Variants in MAP4K5 observed in about 807,000 individuals in gnomAD.
The protein encoded by MAP4K5 is mitogen-activated protein kinase kinase kinase kinase 5.
A neutral mutation model predicts 135.6 loss-of-function variants in MAP4K5; 82 were observed. The observed-to-expected ratio is 0.60, with a 90% CI of 0.51 to 0.73. The LOEUF (loss-of-function observed/expected upper bound fraction) is 0.73, where lower values mean the gene tolerates loss of function less well. Ranked by LOEUF, MAP4K5 falls within the 30% of genes least tolerant of loss-of-function variation. The probability of loss-of-function intolerance (pLI) is 0.00; values close to 1 mark genes in which losing one functional copy is unlikely to be tolerated. For missense variants in MAP4K5, 907 were observed against 1,010.9 expected, an observed-to-expected ratio of 0.90 and a Z score of 1.39; for synonymous variants, 347 against 335.0, an observed-to-expected ratio of 1.04 and a Z score of -0.39.
rs71420189 is a variant in MAP4K5, at chr14:50,526,738, A to C, written c.108+5204T>G. Among the ~76,000 whole-genome samples the C allele has an allele frequency of 3.8e-3, 576 of 152,358 alleles. 2 individuals are homozygous for C. Among genetic ancestry groups the C allele is most frequent in the Admixed American group, 7.3e-3 (112 of 15,306 alleles). ...AATGCTTCTAGAAGTGTGATGATAC[A>C]TTAAGCTTTGTCTCTATAAAATGGG... is the stretch of plus-strand genomic sequence containing the variant. On this transcript the variant is annotated intron_variant, in intron 2 of 32. Transcript: ENST00000682126.
intron 2 of MAP4K5, among the ~76,000 whole-genome samples, chr14:50,518,298 A>G (rs768068677): frequency 2.6e-5 from 4 of 152,136 alleles, no homozygotes; most frequent in African/African-American, 4.8e-5. Context: ...GTTACAGGAT[A>G]CATGTGCAGA....
rs2035657543 is a variant in MAP4K5 at position 50,418,661 on chromosome 14, T to C, written c.*1358A>G. 1 of 152,594 alleles carries C rather than the reference T, an allele frequency of 6.6e-6. No homozygotes were observed. Among genetic ancestry groups the C allele is most frequent in the Admixed American group, 6.5e-5 (1 of 15,272 alleles). 9.5% of individuals were successfully genotyped at this position (152,594 alleles called of 1,614,324 possible). Reference sequence around the variant, plus strand: ...ACCTTGCTAAACCCTTACTTCCTCATCTGAAAAATAGAGATAATACTTATT... The same window carrying C: ...ACCTTGCTAAACCCTTACTTCCTCACCTGAAAAATAGAGATAATACTTATT... On this transcript the variant is annotated 3_prime_UTR_variant, in exon 33 of 33. Coordinates refer to ENST00000682126, the MANE Select transcript of MAP4K5 (RefSeq NM_006575.6).
At chr14:50,462,555 C>G in intron 13 of MAP4K5, 110 bp downstream of exon 13, 1 of 709,228 alleles carries the variant, frequency 1.4e-6, no homozygotes, top group Non-Finnish European at 2.4e-6. Flanking sequence ...GTAGCTAAAC[C>G]TGTTTTAACT....
chr14:50,539,693 A>G (rs1432226113), intron 2 of MAP4K5, among the ~76,000 whole-genome samples: 2 of 152,250 alleles, frequency 1.3e-5, no homozygotes, highest in Non-Finnish European at 2.9e-5. Flanking sequence ...GGGGAAGTAC[A>G]CAGAATGCTC....
intron 27 of MAP4K5, 60 bp from the exon 28 acceptor site, chr14:50,434,631 T>C: frequency 6.9e-7 from 1 of 1,450,562 alleles, no homozygotes; most frequent in Non-Finnish European, 9.4e-7. Flanking sequence ...TTCATACCAC[T>C]GTTGAATAAA....
chr14:50,503,988 T>C (rs2037759170), intron 3 of MAP4K5, among the ~76,000 whole-genome samples: 1 of 152,018 alleles, frequency 6.6e-6, no homozygotes, highest in African/African-American at 2.4e-5. Context: ...TATAACAATT[T>C]CTATTTGCCA....
At chr14:50,510,268 T>A (rs1053084620) in intron 2 of MAP4K5, among the ~76,000 whole-genome samples, 1 of 152,242 alleles carries the variant, frequency 6.6e-6, no homozygotes, top group Non-Finnish European at 1.5e-5. Flanking sequence ...TTAGTCAGAT[T>A]AATCAGAAGT....
chr14:50,557,273 T>C (rs1450343483), intron 1 of MAP4K5, among the ~76,000 whole-genome samples: 3 of 152,230 alleles, frequency 2.0e-5, no homozygotes, highest in Non-Finnish European at 4.4e-5. Flanking sequence ...GAAATATCAG[T>C]CCCCTTAATC....
chr14:50,480,400 TTTC>T (rs1168060188), intron 6 of MAP4K5, among the ~76,000 whole-genome samples: 4 of 38,884 alleles, frequency 1.0e-4, no homozygotes, highest in East Asian at 2.0e-3. Context: ...TTACTCATTC[TTTC>T]TTTTTTTTTT....
At chr14:50,450,231 G>A (rs1181333962) in intron 14 of MAP4K5, 1 of 152,180 alleles carries the variant, frequency 6.6e-6, no homozygotes, top group African/African-American at 2.4e-5. Context: ...ACAGGTGTGA[G>A]CCACCACACC....
chr14:50,449,420 C>T (rs138274455), intron 14 of MAP4K5: 94 of 152,214 alleles, frequency 6.2e-4, no homozygotes, highest in African/African-American at 2.1e-3. Flanking sequence ...ATTACTTCCT[C>T]ATAAAGTATT....
chr14:50,544,973 A>G lies in MAP4K5; in HGVS notation c.-179-2389T>C, dbSNP rs1045427304. On this transcript the variant is annotated intron_variant, in intron 1 of 8. Coordinates refer to the MAP4K5 transcript ENST00000555216. ...AAAAAAAAAAAAAAAGAAGCCAACT[A>G]TAATGTAACAGGTCCCTCACCAGAT... Among the ~76,000 whole-genome samples, 3 of 150,486 alleles carry G rather than the reference A, an allele frequency of 2.0e-5. No homozygotes were observed. In the East Asian group the frequency reaches 5.9e-4, roughly 29 times the overall value.
intron 3 of MAP4K5, among the ~76,000 whole-genome samples, chr14:50,503,596 T>A (rs766179885): frequency 4.6e-5 from 7 of 152,060 alleles, no homozygotes; most frequent in Non-Finnish European, 8.8e-5. Flanking sequence ...TTCATTATAA[T>A]GAACTATAAT....
chr14:50,486,358 T>C lies in MAP4K5; in HGVS notation c.167-164A>G, dbSNP rs1420239591. On this transcript the variant is annotated intron_variant, in intron 3 of 32. Transcript: ENST00000682126. ...ATCTTTCTATAAAGTCAGAAGTCTT[T>C]AAAATATACAGAATCTTTGAACCCA... Among the ~76,000 whole-genome samples the C allele has an allele frequency of 2.0e-5, 3 of 152,276 alleles. No homozygotes were observed. The East Asian group carries it at 5.8e-4, about 29-fold the overall frequency.
chr14:50,487,505 C>G (rs535573864), intron 3 of MAP4K5, among the ~76,000 whole-genome samples: 1 of 152,096 alleles, frequency 6.6e-6, no homozygotes, highest in South Asian at 2.1e-4. Flanking sequence ...ACTGAATGAA[C>G]GTCTGAGAGA....
chr14:50,507,846 T>C (rs2037844951), intron 2 of MAP4K5, among the ~76,000 whole-genome samples: 1 of 152,236 alleles, frequency 6.6e-6, no homozygotes, highest in Admixed American at 6.5e-5. Context: ...TGGAGAGTTC[T>C]GTAGATGTCT....
At chr14:50,435,553 T>A (rs2036071655) in intron 26 of MAP4K5, among the ~76,000 whole-genome samples, 2 of 151,598 alleles carry the variant, frequency 1.3e-5, no homozygotes, top group African/African-American at 4.8e-5. Context: ...TTTTTTTTTT[T>A]AAGAGATGGG....
At chr14:50,499,643 AAG>A (rs2037666369) in intron 3 of MAP4K5, among the ~76,000 whole-genome samples, 1 of 151,970 alleles carries the variant, frequency 6.6e-6, no homozygotes, top group Admixed American at 6.6e-5. Context: ...GGGCAACAGA[AAG>A]AGACCCTGTT....
intron 2 of MAP4K5, among the ~76,000 whole-genome samples, chr14:50,541,413 A>C (rs1049919465): frequency 6.6e-6 from 1 of 152,236 alleles, no homozygotes; most frequent in Non-Finnish European, 1.5e-5. Context: ...CACATTAGTG[A>C]CATTTCTAAC....
Sources: allele counts gnomAD v4.1 joint callset (sites outside exome capture counted in the v4.1 genomes callset), GRCh38; gene constraint gnomAD v4.1.1; transcripts MANE v1.5; gene names NCBI Gene and HGNC (gene_info 2026-07-23, HGNC 2026-07-21).